Variants in DSCAM observed in about 807,000 individuals in gnomAD.
DSCAM encodes cell adhesion molecule DSCAM.
DSCAM carries 47 observed loss-of-function variants against 217.7 expected under a neutral mutation model. The ratio of observed to expected loss-of-function variants is 0.22; its 90% CI spans 0.17 to 0.28. The LOEUF (loss-of-function observed/expected upper bound fraction) is 0.28. Ranked by LOEUF, DSCAM falls within the 10% of genes least tolerant of loss-of-function variation. The pLI is 1.00. For synonymous variants in DSCAM, 1,056 were observed against 1,015.3 expected (o/e 1.04, Z -0.76); for missense variants, 2,080 against 2,618.3 (o/e 0.79, Z 4.49).
intron 3 of DSCAM, among the ~76,000 whole-genome samples, chr21:40,470,364 C>T (rs375407858): frequency 1.4e-3 from 210 of 152,316 alleles, no homozygotes; most frequent in African/African-American, 4.4e-3. Context: ...GGAAACGTGG[C>T]AGGCTTACAA....
intron 3 of DSCAM, among the ~76,000 whole-genome samples, chr21:40,392,508 G>T (rs538317141): frequency 6.6e-6 from 1 of 152,246 alleles, no homozygotes; most frequent in East Asian, 1.9e-4. Context: ...CCAACACGAC[G>T]TAGAAAGTAA....
chr21:40,433,963 T>G (rs1001556831), intron 3 of DSCAM, among the ~76,000 whole-genome samples: 10 of 152,228 alleles, frequency 6.6e-5, no homozygotes, highest in East Asian at 1.9e-4. Flanking sequence ...CGATGTCACC[T>G]GAGGCAGCTG....
At chr21:40,685,789 T>C (rs933677608) in intron 3 of DSCAM, among the ~76,000 whole-genome samples, 1 of 152,086 alleles carries the variant, frequency 6.6e-6, no homozygotes, top group African/African-American at 2.4e-5. Context: ...TCCTGCAAGA[T>C]TAAATCTAAG....
chr21:40,100,354 T>C (rs2089734439), intron 20 of DSCAM, among the ~76,000 whole-genome samples: 1 of 152,246 alleles, frequency 6.6e-6, no homozygotes. Flanking sequence ...AAAGAAGGGA[T>C]GATAAATATC....
At chr21:40,828,815 C>T (rs142522496) in intron 1 of DSCAM, among the ~76,000 whole-genome samples, 43 of 152,284 alleles carry the variant, frequency 2.8e-4, no homozygotes, top group African/African-American at 1.0e-3. Context: ...GCCACCACAC[C>T]TAGCTAATTT....
chr21:40,489,769 C>G (rs1283415675), intron 3 of DSCAM, among the ~76,000 whole-genome samples: 1 of 39,822 alleles, frequency 2.5e-5, no homozygotes, highest in African/African-American at 1.5e-4. Flanking sequence ...GGCGAGACTC[C>G]GTCTCAAAAA....
rs114695556 is a variant in DSCAM at position 40,125,253 on chromosome 21, G to A, written c.3563-925C>T. ...AGCATGATTTGGGAGTGAGATTGAA[G>A]GCATGTCCCACTCCTCTTGTTCTTT... On this transcript the variant is annotated intron_variant, in intron 19 of 32. Coordinates refer to ENST00000400454, the MANE Select transcript of DSCAM (RefSeq NM_001389.5). Among the ~76,000 whole-genome samples, 1,046 of 152,300 alleles carry A rather than the reference G, an allele frequency of 6.9e-3. 16 individuals carry two copies. The highest frequency in any genetic ancestry group is 0.024 in the African/African-American group (1,008 of 41,558).
chr21:40,392,039 C>T (rs778165206), intron 3 of DSCAM, among the ~76,000 whole-genome samples: 1 of 152,154 alleles, frequency 6.6e-6, no homozygotes, highest in Non-Finnish European at 1.5e-5. Flanking sequence ...AAGGTAGTTG[C>T]CTTGACCAGT....
rs375838183 is a variant in DSCAM at position 40,544,648 on chromosome 21, G to C, written c.508+148162C>G. ...CCTCTAGAGCTTTCAGAAAGAGCTCGACCCTGCTGACACCTTGATTTTGAA... is the reference window on the plus strand; with the variant it reads ...CCTCTAGAGCTTTCAGAAAGAGCTCCACCCTGCTGACACCTTGATTTTGAA... On this transcript the variant is annotated intron_variant, in intron 3 of 32. Coordinates refer to ENST00000400454, the MANE Select transcript of DSCAM (RefSeq NM_001389.5). Among the ~76,000 whole-genome samples, 77 of 152,278 alleles carry C rather than the reference G, an allele frequency of 5.1e-4. 2 individuals are homozygous for C. In the South Asian group the frequency reaches 0.015, roughly 30 times the overall value.
intron 1 of DSCAM, among the ~76,000 whole-genome samples, chr21:40,814,193 T>C (rs957754655): frequency 6.6e-6 from 1 of 152,228 alleles, no homozygotes; most frequent in Non-Finnish European, 1.5e-5. Flanking sequence ...GCCTCCAGCA[T>C]GGGCTGGGAT....
intron 3 of DSCAM, among the ~76,000 whole-genome samples, chr21:40,411,347 GAAGGC>G (rs985735890): frequency 6.6e-6 from 1 of 151,994 alleles, no homozygotes; most frequent in Non-Finnish European, 1.5e-5. Context: ...TAATCCAAAA[GAAGGC>G]AAGAAAGGGG....
At chr21:40,355,469 T>C (rs1285000772) in intron 4 of DSCAM, among the ~76,000 whole-genome samples, 1 of 152,214 alleles carries the variant, frequency 6.6e-6, no homozygotes, top group African/African-American at 2.4e-5. Flanking sequence ...CTCAATGTCC[T>C]TCAAGTTTGT....
chr21:40,199,210 G>T (rs916995700), intron 11 of DSCAM, among the ~76,000 whole-genome samples: 1 of 152,202 alleles, frequency 6.6e-6, no homozygotes, highest in Admixed American at 6.6e-5. Context: ...AATACATCAC[G>T]ATTATCTTTC....
Position 40,083,924 on chromosome 21 carries a change from C to T in DSCAM, c.4215G>A (p.Gly1405=), listed in dbSNP as rs1363985269. Residue 1405 remains glycine, a synonymous_variant, in exon 24 of 33, where the codon GGG becomes GGA. Transcript: ENST00000400454. The part of the protein sequence containing the change: ...ITLSWLPGDN[G]GSSIRGYILQ... ...TCTTATTACCTCTGATAGAGCTGCC[C>T]CCGTTGTCTCCAGGGAGCCAAGAAA... 1 of 1,613,292 alleles carries T rather than the reference C, an allele frequency of 6.2e-7. No homozygotes were observed. The highest frequency in any genetic ancestry group is 8.5e-7 in the Non-Finnish European group (1 of 1,179,610).
At chr21:40,303,170 C>T (rs543412813) in intron 9 of DSCAM, among the ~76,000 whole-genome samples, 75 of 152,236 alleles carry the variant, frequency 4.9e-4, no homozygotes, top group African/African-American at 1.5e-3. Flanking sequence ...ATTTAATTTA[C>T]GACACTGACA....
intron 3 of DSCAM, among the ~76,000 whole-genome samples, chr21:40,678,461 T>G (rs370603833): frequency 1.4e-4 from 22 of 152,182 alleles, no homozygotes; most frequent in South Asian, 1.0e-3. Context: ...AATTCTCCGA[T>G]GAGAAATCGG....
At chr21:40,098,013 AG>A (rs2089704929) in intron 20 of DSCAM, among the ~76,000 whole-genome samples, 1 of 147,806 alleles carries the variant, frequency 6.8e-6, no homozygotes, top group Non-Finnish European at 1.5e-5. Context: ...AAAGAAAGAA[AG>A]AAATGTACTT....
intron 15 of DSCAM, among the ~76,000 whole-genome samples, chr21:40,168,285 A>G (rs1396568164): frequency 2.6e-5 from 4 of 152,194 alleles, no homozygotes; most frequent in Non-Finnish European, 5.9e-5. Context: ...GACAATTCCA[A>G]TTACATCCCA....
intron 9 of DSCAM, 40 bp from the exon 10 acceptor site, chr21:40,296,214 C>A (rs200491305): frequency 4.3e-5 from 69 of 1,607,434 alleles, no homozygotes; most frequent in Non-Finnish European, 5.9e-5. Flanking sequence ...AAGACTAGAC[C>A]AGAAACTGAG....
Sources: gnomAD v4.1 joint callset for allele counts (sites outside exome capture counted in the v4.1 genomes callset) on GRCh38, gnomAD v4.1.1 for gene constraint, MANE v1.5 for transcripts, NCBI Gene and HGNC (gene_info 2026-07-23, HGNC 2026-07-21) for gene names.